EDNRB: variants seen among roughly 807,000 people sequenced by gnomAD.
EDNRB encodes the protein Hirschsprung disease 2.
Under a neutral mutation model 46.4 loss-of-function variants are expected in EDNRB, and 18 were observed. The ratio of observed to expected loss-of-function variants is 0.39; its 90% CI spans 0.27 to 0.57. The LOEUF (loss-of-function observed/expected upper bound fraction) is 0.57, where lower values mean the gene tolerates loss of function less well. EDNRB is among the 20% of genes least tolerant of loss of function. The pLI, the probability that EDNRB is intolerant of heterozygous loss-of-function variation, is 0.61. For synonymous variants in EDNRB, 213 were observed against 204.9 expected (o/e 1.04, Z -0.34); for missense variants, 434 against 537.5 (o/e 0.81, Z 1.90).
intron 1 of EDNRB, among the ~76,000 whole-genome samples, chr13:77,952,202 G>C (rs943917835): frequency 2.6e-5 from 4 of 152,156 alleles, no homozygotes; most frequent in African/African-American, 9.7e-5. Flanking sequence ...AGAGGAGGAC[G>C]TTCCCGAAAG....
intron 1 of EDNRB, among the ~76,000 whole-genome samples, chr13:77,957,382 C>T (rs1184515983): frequency 6.6e-6 from 1 of 152,074 alleles, no homozygotes; most frequent in Non-Finnish European, 1.5e-5. Flanking sequence ...TGCAAGCAGG[C>T]AAATCTTGGT....
chr13:77,935,077 A>T (rs1416262452), intron 1 of EDNRB, among the ~76,000 whole-genome samples: 1 of 151,760 alleles, frequency 6.6e-6, no homozygotes, highest in East Asian at 2.0e-4. Context: ...GGAGCCGGGG[A>T]GCAGAAAGTA....
intron 1 of EDNRB, among the ~76,000 whole-genome samples, chr13:77,964,131 G>C (rs1006527597): frequency 3.3e-5 from 5 of 152,210 alleles, no homozygotes; most frequent in African/African-American, 1.2e-4. Flanking sequence ...ACAGGTGCTG[G>C]AGAGGATGTG....
intron 1 of EDNRB, chr13:77,947,469 A>G (rs1328102012): frequency 6.6e-6 from 1 of 152,068 alleles, no homozygotes; most frequent in African/African-American, 2.4e-5. Flanking sequence ...AATTCATTTT[A>G]GCTCTCTGAA....
At chr13:77,909,347 G>C (rs573511370) in intron 1 of EDNRB, among the ~76,000 whole-genome samples, 2 of 152,014 alleles carry the variant, frequency 1.3e-5, no homozygotes, top group African/African-American at 4.8e-5. Flanking sequence ...ACTTATTTGA[G>C]GGTTTTGTGA....
chr13:77,958,980 GTGT>G (rs1184540582), intron 1 of EDNRB, among the ~76,000 whole-genome samples: 3 of 152,322 alleles, frequency 2.0e-5, no homozygotes, highest in East Asian at 3.9e-4. Context: ...TGGCATGGTG[GTGT>G]TGTTGGGAGA....
chr13:77,902,794 A>C (rs1879066898), intron 3 of EDNRB, among the ~76,000 whole-genome samples: 1 of 152,018 alleles, frequency 6.6e-6, no homozygotes, highest in African/African-American at 2.4e-5. Flanking sequence ...AACCTTCTAT[A>C]GAAGTAAATT....
At chr13:77,961,427 A>C (rs915175265) in intron 1 of EDNRB, among the ~76,000 whole-genome samples, 2 of 152,260 alleles carry the variant, frequency 1.3e-5, no homozygotes, top group African/African-American at 2.4e-5. Flanking sequence ...AAGAACCAAC[A>C]GTCTCTCAGA....
At chr13:77,923,889 G>T, upstream of EDNRB, among the ~76,000 whole-genome samples, 2 of 149,434 alleles carry the variant, frequency 1.3e-5, no homozygotes, top group African/African-American at 2.5e-5. Flanking sequence ...TTCTTCTTTT[G>T]TTTTTAACAA....
At chr13:77,909,298 A>C (rs1879451558) in intron 1 of EDNRB, among the ~76,000 whole-genome samples, 1 of 152,028 alleles carries the variant, frequency 6.6e-6, no homozygotes. Context: ...AAATTTTTCT[A>C]AAAGGATAAA....
At chr13:77,928,163 A>T (rs1224621718) in intron 1 of EDNRB, among the ~76,000 whole-genome samples, 4 of 152,198 alleles carry the variant, frequency 2.6e-5, no homozygotes, top group Non-Finnish European at 5.9e-5. Context: ...AATCATTTGT[A>T]TGCAAGCAAA....
chr13:77,964,136 GA>G (rs774948054), intron 1 of EDNRB, among the ~76,000 whole-genome samples: 9 of 152,194 alleles, frequency 5.9e-5, no homozygotes, highest in African/African-American at 9.6e-5. Flanking sequence ...TGCTGGAGAG[GA>G]TGTGGAGAAA....
At chr13:77,919,242 C>T (rs1879986293), upstream of EDNRB, 1 of 802,598 alleles carries the variant, frequency 1.2e-6, no homozygotes, top group Non-Finnish European at 1.9e-6. Flanking sequence ...GCTTCAAACA[C>T]TCGCGCTCCT....
chr13:77,910,483 T>C (rs1879515937), intron 1 of EDNRB, among the ~76,000 whole-genome samples: 1 of 151,982 alleles, frequency 6.6e-6, no homozygotes, highest in Non-Finnish European at 1.5e-5. Context: ...TCTGTATTAA[T>C]ACACAAAGAA....
chr13:77,952,812 C>T (rs916946798), intron 1 of EDNRB, among the ~76,000 whole-genome samples: 2 of 152,094 alleles, frequency 1.3e-5, no homozygotes, highest in African/African-American at 2.4e-5. Flanking sequence ...ATATTGTATA[C>T]CCCATCACAT....
rs1432197782 is a variant in EDNRB at position 77,918,590 on chromosome 13, G to A, written c.-17C>T. On this transcript the variant is annotated 5_prime_UTR_variant, in exon 1 of 7. Coordinates refer to ENST00000646607, the MANE Select transcript of EDNRB (RefSeq NM_001122659.3). This position sits in a 1 kb window ranked among gnomAD's most constrained non-coding sequence, Gnocchi z 4.5. ...CGGCTGCATGCTGCTACCTGCTCCA[G>A]AAGGCGTCCGGTGGCCGCTCCGCAG... 6.3e-7 allele frequency: 1 copy of A among 1,580,442 alleles called. No homozygotes were observed. The highest frequency in any genetic ancestry group is 1.4e-5 in the African/African-American group (1 of 73,576).
At chr13:77,930,505 C>A (rs1880360817) in intron 1 of EDNRB, among the ~76,000 whole-genome samples, 1 of 151,988 alleles carries the variant, frequency 6.6e-6, no homozygotes, top group African/African-American at 2.4e-5. Flanking sequence ...GATATGGAAC[C>A]AAAAATTAGC....
chr13:77,940,191 G>C (rs1012740842), intron 1 of EDNRB, among the ~76,000 whole-genome samples: 6 of 152,056 alleles, frequency 3.9e-5, no homozygotes, highest in Non-Finnish European at 8.8e-5. Context: ...TAGGCACTGG[G>C]GGTTGAATGA....
chr13:77,962,330 A>C (rs1219218967), intron 1 of EDNRB, among the ~76,000 whole-genome samples: 1 of 152,212 alleles, frequency 6.6e-6, no homozygotes, highest in Admixed American at 6.5e-5. Flanking sequence ...ACAACAAAAA[A>C]AAGAGTATTG....
Sources: gnomAD v4.1 joint callset for allele counts (sites outside exome capture counted in the v4.1 genomes callset) on GRCh38, gnomAD v4.1.1 for gene constraint, Gnocchi (gnomAD v3.1) non-coding constraint, MANE v1.5 for transcripts, NCBI Gene and HGNC (gene_info 2026-07-23, HGNC 2026-07-21) for gene names.